DNAH8: variants seen among roughly 807,000 people sequenced by gnomAD.
The protein encoded by DNAH8 is axonemal beta dynein heavy chain 8.
A neutral mutation model predicts 562.1 loss-of-function variants in DNAH8; 382 were observed. The ratio of observed to expected loss-of-function variants is 0.68; its 90% CI spans 0.63 to 0.74. The LOEUF (loss-of-function observed/expected upper bound fraction) is 0.74. Ranked by LOEUF, DNAH8 falls within the 30% of genes least tolerant of loss-of-function variation. DNAH8 has a pLI of 0.00. For synonymous variants in DNAH8, 1,881 were observed against 1,919.4 expected, an observed-to-expected ratio of 0.98 and a Z score of 0.52; for missense variants, 5,203 against 5,620.4, an observed-to-expected ratio of 0.93 and a Z score of 2.37.
chr6:39,000,523 G>A (rs1008796100), intron 88 of DNAH8, among the ~76,000 whole-genome samples: 1 of 152,090 alleles, frequency 6.6e-6, no homozygotes, highest in Non-Finnish European at 1.5e-5. Flanking sequence ...ATTCTCATAG[G>A]AGCGAGAACC....
intron 26 of DNAH8, among the ~76,000 whole-genome samples, chr6:38,819,631 T>C (rs985170382): frequency 9.9e-5 from 15 of 152,044 alleles, no homozygotes; most frequent in African/African-American, 3.6e-4. Context: ...TATTTGATAG[T>C]TTACTAGAGA....
intron 82 of DNAH8, among the ~76,000 whole-genome samples, chr6:38,955,971 C>T (rs1225658805): frequency 6.6e-6 from 1 of 152,184 alleles, no homozygotes; most frequent in Non-Finnish European, 1.5e-5. Flanking sequence ...CCTTTTTGGC[C>T]TTGAGCCTGC....
At chr6:38,736,963 A>G in intron 5 of DNAH8, 104 bp from the exon 6 acceptor site, 4 of 768,362 alleles carry the variant, frequency 5.2e-6, no homozygotes, top group Middle Eastern at 5.4e-4. Context: ...AGTTTATAAA[A>G]TGTATTAGTT....
intron 17 of DNAH8, among the ~76,000 whole-genome samples, chr6:38,786,184 C>T (rs1738249): frequency 0.29 from 43,726 of 152,128 alleles, 6,619 homozygotes; most frequent in Admixed American, 0.39. Context: ...TCTGAAAATG[C>T]TTGTTTATAT....
intron 88 of DNAH8, among the ~76,000 whole-genome samples, chr6:39,002,852 C>G (rs1765575197): frequency 6.6e-6 from 1 of 152,180 alleles, no homozygotes. Context: ...TACTAGGACC[C>G]TCGTATCACT....
At chr6:38,991,675 A>T (rs887194541) in intron 88 of DNAH8, among the ~76,000 whole-genome samples, 2 of 151,492 alleles carry the variant, frequency 1.3e-5, no homozygotes, top group Non-Finnish European at 2.9e-5. Context: ...GTCCTCTCCC[A>T]CCTTCGTGCC....
At chr6:38,927,716 C>T (rs1418630295) in intron 74 of DNAH8, among the ~76,000 whole-genome samples, 2 of 152,120 alleles carry the variant, frequency 1.3e-5, no homozygotes, top group Admixed American at 6.5e-5. Flanking sequence ...ATGCATGCTC[C>T]TGTATCACTT....
intron 3 of DNAH8, 100 bp downstream of exon 3, chr6:38,723,571 T>G: frequency 7.0e-7 from 1 of 1,431,104 alleles, no homozygotes. Flanking sequence ...ACAACAAAAA[T>G]CATTCAGAAA....
chr6:38,839,854 G>T (rs62396404), intron 33 of DNAH8, among the ~76,000 whole-genome samples: 24,607 of 152,010 alleles, frequency 0.16, 2,293 homozygotes, highest in Non-Finnish European at 0.21. Flanking sequence ...TAGAGACGGG[G>T]TTTCATCATG....
intron 68 of DNAH8, among the ~76,000 whole-genome samples, chr6:38,916,443 T>A (rs1033801494): frequency 1.3e-5 from 2 of 152,200 alleles, no homozygotes; most frequent in Non-Finnish European, 2.9e-5. Flanking sequence ...GAAATCCTTA[T>A]GTAGGGTAAT....
intron 21 of DNAH8, 29 bp downstream of exon 21, chr6:38,791,703 A>T (rs1769763330): frequency 6.2e-7 from 1 of 1,603,530 alleles, no homozygotes; most frequent in Non-Finnish European, 8.5e-7. Context: ...AATTAGAATC[A>T]CAAAAATATT....
At chr6:38,751,211 G>A (rs1472800208) in intron 9 of DNAH8, among the ~76,000 whole-genome samples, 2 of 152,202 alleles carry the variant, frequency 1.3e-5, no homozygotes, top group East Asian at 3.8e-4. Context: ...TTATTGGAAG[G>A]CCCCAGTCCC....
intron 62 of DNAH8, among the ~76,000 whole-genome samples, chr6:38,905,651 A>T (rs1311983161): frequency 6.6e-6 from 1 of 152,188 alleles, no homozygotes; most frequent in African/African-American, 2.4e-5. Flanking sequence ...GCAGGGACTA[A>T]AAGTTCATTT....
Position 38,913,801 on chromosome 6 carries a change from G to A in DNAH8, c.9860-48G>A, listed in dbSNP as rs758670385. ...AAACATTGAATAAATATTTGATGAAGGCATATACCTGTACTCAGTAAAGGT... is the reference window on the plus strand; with the variant it reads ...AAACATTGAATAAATATTTGATGAAAGCATATACCTGTACTCAGTAAAGGT... On this transcript the variant is annotated intron_variant, in intron 66 of 92. Transcript: ENST00000327475. 3.2e-6 allele frequency: 4 copies of A among 1,240,740 alleles called. No homozygotes were observed. The South Asian group carries it at 4.0e-5, about 13-fold the overall frequency. 76.9% of individuals were successfully genotyped at this position (1,240,740 alleles called of 1,614,324 possible).
At chr6:38,987,243 C>T (rs1764463018) in intron 87 of DNAH8, among the ~76,000 whole-genome samples, 1 of 152,208 alleles carries the variant, frequency 6.6e-6, no homozygotes, top group South Asian at 2.1e-4. Context: ...CTGTCTCAGC[C>T]TGCTCCACCT....
At chr6:38,882,668 A>G (rs1327892158) in intron 53 of DNAH8, among the ~76,000 whole-genome samples, 1 of 152,208 alleles carries the variant, frequency 6.6e-6, no homozygotes, top group Non-Finnish European at 1.5e-5. Context: ...TATATCTAAC[A>G]GACCTGCACA....
chr6:38,856,857 G>T (rs1563010850), intron 41 of DNAH8, among the ~76,000 whole-genome samples: 1 of 152,036 alleles, frequency 6.6e-6, no homozygotes, highest in African/African-American at 2.4e-5. Flanking sequence ...GCTCCTGAAG[G>T]GACAACCCTT....
chr6:38,724,902 G>C (rs990063987), intron 3 of DNAH8, among the ~76,000 whole-genome samples: 3 of 151,974 alleles, frequency 2.0e-5, no homozygotes, highest in Admixed American at 6.6e-5. Context: ...TTGTGGTGAG[G>C]TTGTCACCAT....
Position 38,828,201 on chromosome 6 carries a change from A to G in DNAH8, c.4101A>G (p.Leu1367=). Reference sequence around the variant, plus strand: ...TCCTGCAGGAAGCCTATGCTATTTTAAACAGATTTGAAGTTGAAGTAACCA... The same window carrying G: ...TCCTGCAGGAAGCCTATGCTATTTTGAACAGATTTGAAGTTGAAGTAACCA... ...LGPIEEAYAI[L]NRFEVEVTKE... The change falls in exon 30 of 93, where the codon TTA becomes TTG. Residue 1367 remains leucine (L), a synonymous_variant. Transcript: ENST00000327475. The G allele has an allele frequency of 2.5e-6, 4 of 1,592,124 alleles. No individual in the cohort carries two copies. The highest frequency in any genetic ancestry group is 3.4e-6 in the Non-Finnish European group (4 of 1,170,736).
Sources: gnomAD v4.1 joint callset for allele counts (sites outside exome capture counted in the v4.1 genomes callset) on GRCh38, gnomAD v4.1.1 for gene constraint, MANE v1.5 for transcripts, NCBI Gene and HGNC (gene_info 2026-07-23, HGNC 2026-07-21) for gene names.